Variants in SPECC1L observed in about 807,000 individuals in gnomAD.
SPECC1L encodes sperm antigen with calponin homology and coiled-coil domains 1 like.
Under a neutral mutation model 116.8 loss-of-function variants are expected in SPECC1L, and 40 were observed. The observed-to-expected ratio is 0.34, with a 90% CI of 0.27 to 0.45. The LOEUF (loss-of-function observed/expected upper bound fraction) is 0.45. Ranked by LOEUF, SPECC1L falls within the 20% of genes least tolerant of loss-of-function variation. The pLI is 1.00. For synonymous variants in SPECC1L, 504 were observed against 500.6 expected, an observed-to-expected ratio of 1.01 and a Z score of -0.09; for missense variants, 1,110 against 1,373.6, an observed-to-expected ratio of 0.81 and a Z score of 3.03.
At chr22:24,351,285 CTT>C (rs1397980013) in intron 11 of SPECC1L, among the ~76,000 whole-genome samples, 1 of 152,188 alleles carries the variant, frequency 6.6e-6, no homozygotes, top group African/African-American at 2.4e-5. Flanking sequence ...CCAAGTGACT[CTT>C]AGGAATAAGT....
intron 3 of SPECC1L, among the ~76,000 whole-genome samples, chr22:24,306,460 A>G (rs554784112): frequency 6.6e-6 from 1 of 152,152 alleles, no homozygotes; most frequent in African/African-American, 2.4e-5. Context: ...AGCTCACTGC[A>G]GCCTTGAACT....
At chr22:24,412,478 A>C (rs895531400) in intron 15 of SPECC1L, 170 bp from the exon 16 acceptor site, 1 of 696,934 alleles carries the variant, frequency 1.4e-6, no homozygotes, top group African/African-American at 1.8e-5. Flanking sequence ...GGCCTAGTGC[A>C]GGGTACTTGG....
At chr22:24,370,375 T>TA (rs1358862533) in intron 14 of SPECC1L, among the ~76,000 whole-genome samples, 2 of 152,082 alleles carry the variant, frequency 1.3e-5, no homozygotes, top group African/African-American at 4.8e-5. Context: ...GAAAATAATT[T>TA]AAAAAAAGAA....
At chr22:24,356,206 C>T (rs1413302676) in intron 11 of SPECC1L, among the ~76,000 whole-genome samples, 2 of 152,030 alleles carry the variant, frequency 1.3e-5, no homozygotes, top group Non-Finnish European at 2.9e-5. Flanking sequence ...TTGTTCAAGT[C>T]TGGGTCTTCT....
chr22:24,303,302 T>C (rs1190278877), intron 3 of SPECC1L, among the ~76,000 whole-genome samples: 1 of 152,212 alleles, frequency 6.6e-6, no homozygotes, highest in Non-Finnish European at 1.5e-5. Context: ...TTCCCTTGGC[T>C]CGGAGATGCA....
At chr22:24,312,468 G>A (rs1413496864) in intron 3 of SPECC1L, among the ~76,000 whole-genome samples, 1 of 152,220 alleles carries the variant, frequency 6.6e-6, no homozygotes, top group East Asian at 1.9e-4. Flanking sequence ...AGAAGATAGT[G>A]TAAATCAGTT....
intron 2 of SPECC1L, among the ~76,000 whole-genome samples, chr22:24,291,045 C>T (rs2049147026): frequency 6.6e-6 from 1 of 152,134 alleles, no homozygotes; most frequent in African/African-American, 2.4e-5. Context: ...TCTTTCTTCT[C>T]AGTGTTTTAA....
At chr22:24,410,673 A>G (rs992285886) in intron 14 of SPECC1L, among the ~76,000 whole-genome samples, 2 of 152,142 alleles carry the variant, frequency 1.3e-5, no homozygotes, top group East Asian at 1.9e-4. Context: ...AGCAATCTCC[A>G]GTACATGTGG....
intron 11 of SPECC1L, among the ~76,000 whole-genome samples, chr22:24,356,815 T>A (rs2041542075): frequency 6.6e-6 from 1 of 152,310 alleles, no homozygotes; most frequent in Middle Eastern, 3.4e-3. Flanking sequence ...ATTATTTGTA[T>A]CCATTAAATT....
At chr22:24,328,760 G>T in intron 6 of SPECC1L, 86 bp from the exon 7 acceptor site, 2 of 1,053,306 alleles carry the variant, frequency 1.9e-6, no homozygotes, top group Non-Finnish European at 1.4e-6. Context: ...TTTTTCGAAT[G>T]TCATATTTAA....
chr22:24,278,890 CAT>C (rs1297526163), intron 2 of SPECC1L, among the ~76,000 whole-genome samples: 1 of 152,156 alleles, frequency 6.6e-6, no homozygotes, highest in Admixed American at 6.5e-5. Flanking sequence ...TTTTCTAGGA[CAT>C]AAACTGATGA....
intron 10 of SPECC1L, among the ~76,000 whole-genome samples, chr22:24,343,024 C>A (rs1400532950): frequency 6.6e-6 from 1 of 151,956 alleles, no homozygotes; most frequent in Non-Finnish European, 1.5e-5. Context: ...GAAACCCTGT[C>A]TCTACTAAAA....
At chr22:24,306,880 A>T (rs1215112105) in intron 3 of SPECC1L, among the ~76,000 whole-genome samples, 4 of 152,150 alleles carry the variant, frequency 2.6e-5, no homozygotes, top group African/African-American at 7.2e-5. Context: ...TGCTCTAGCT[A>T]CCTTATATAA....
intron 13 of SPECC1L, among the ~76,000 whole-genome samples, chr22:24,365,839 G>A (rs2041752775): frequency 6.7e-6 from 1 of 150,312 alleles, no homozygotes; most frequent in South Asian, 2.1e-4. Flanking sequence ...TCCTCAAGCA[G>A]CTGTATCTTT....
At chr22:24,328,118 C>T (rs2040867380) in intron 6 of SPECC1L, among the ~76,000 whole-genome samples, 1 of 152,146 alleles carries the variant, frequency 6.6e-6, no homozygotes, top group South Asian at 2.1e-4. Flanking sequence ...AGAGTAGAAC[C>T]TCCAAAGAGA....
chr22:24,349,552 C>T (rs2041377701), intron 11 of SPECC1L, among the ~76,000 whole-genome samples: 1 of 152,206 alleles, frequency 6.6e-6, no homozygotes, highest in Non-Finnish European at 1.5e-5. Context: ...TTGACATCTT[C>T]CCATTTTGAT....
intron 14 of SPECC1L, among the ~76,000 whole-genome samples, chr22:24,392,628 C>T (rs1325634815): frequency 2.0e-5 from 3 of 152,184 alleles, no homozygotes. Flanking sequence ...AGCCATTAGA[C>T]AACATAGGGC....
At chr22:24,284,135 C>T (rs1391532051) in intron 2 of SPECC1L, among the ~76,000 whole-genome samples, 5 of 151,964 alleles carry the variant, frequency 3.3e-5, no homozygotes, top group Admixed American at 3.3e-4. Flanking sequence ...TTTCATTGCT[C>T]TTCTTTTTCA....
chr22:24,327,993 C>T (rs557166059), intron 6 of SPECC1L, among the ~76,000 whole-genome samples: 1 of 152,262 alleles, frequency 6.6e-6, no homozygotes, highest in East Asian at 1.9e-4. Context: ...TTGCCCTTAA[C>T]CAAAAAGTGA....
Sources: gnomAD v4.1 joint callset for allele counts (sites outside exome capture counted in the v4.1 genomes callset) on GRCh38, gnomAD v4.1.1 for gene constraint, MANE v1.5 for transcripts, NCBI Gene and HGNC (gene_info 2026-07-23, HGNC 2026-07-21) for gene names.